Variants in ARHGEF7 observed in about 807,000 individuals in gnomAD.
The protein encoded by ARHGEF7 is Rho guanine nucleotide exchange factor 7, also known as PAK-interacting exchange factor beta.
ARHGEF7 carries 33 observed loss-of-function variants against 109.8 expected under a neutral mutation model. The observed-to-expected ratio is 0.30, with a 90% CI of 0.23 to 0.40. The LOEUF (loss-of-function observed/expected upper bound fraction) is 0.40, where lower values mean the gene tolerates loss of function less well. ARHGEF7 is among the 10% of genes least tolerant of loss of function. The pLI, the probability that ARHGEF7 is intolerant of heterozygous loss-of-function variation, is 1.00. For synonymous variants in ARHGEF7, 458 were observed against 424.6 expected (o/e 1.08, Z -0.97); for missense variants, 938 against 1,098.5 (o/e 0.85, Z 2.07).
intron 1 of ARHGEF7, among the ~76,000 whole-genome samples, chr13:111,143,133 A>G (rs1230047657): frequency 6.6e-6 from 1 of 152,226 alleles, no homozygotes; most frequent in Non-Finnish European, 1.5e-5. Flanking sequence ...ACAGCGGAGT[A>G]GCACTCGGGA....
chr13:111,180,769 T>C (rs1777541498), intron 2 of ARHGEF7, among the ~76,000 whole-genome samples: 1 of 152,254 alleles, frequency 6.6e-6, no homozygotes, highest in African/African-American at 2.4e-5. Flanking sequence ...TGGAAGATTA[T>C]AGACACCTGG....
chr13:111,262,283 C>T (rs1162136467), intron 8 of ARHGEF7, among the ~76,000 whole-genome samples: 1 of 152,198 alleles, frequency 6.6e-6, no homozygotes, highest in African/African-American at 2.4e-5. Flanking sequence ...GAAATTCAGA[C>T]TCACTAGAGG....
intron 1 of ARHGEF7, 108 bp from the exon 2 acceptor site, chr13:111,153,797 C>G: frequency 7.1e-7 from 1 of 1,402,444 alleles, no homozygotes; most frequent in Non-Finnish European, 9.2e-7. Flanking sequence ...GGCCGCTCGC[C>G]AGCGTCGCCC....
At chr13:111,229,709 GAAA>G (rs1221769816) in intron 5 of ARHGEF7, among the ~76,000 whole-genome samples, 2 of 152,176 alleles carry the variant, frequency 1.3e-5, no homozygotes, top group African/African-American at 4.8e-5. Flanking sequence ...CTGGGTTGTA[GAAA>G]TATTTCTACA....
chr13:111,245,202 T>C (rs2088590321), intron 8 of ARHGEF7, among the ~76,000 whole-genome samples: 1 of 152,136 alleles, frequency 6.6e-6, no homozygotes, highest in Non-Finnish European at 1.5e-5. Flanking sequence ...AATGGTTTTG[T>C]GGAGATTCAG....
chr13:111,188,000 G>C (rs1014403945), intron 2 of ARHGEF7, among the ~76,000 whole-genome samples: 2 of 152,240 alleles, frequency 1.3e-5, no homozygotes, highest in African/African-American at 4.8e-5. Context: ...CTTGAGTACA[G>C]GTGGGGCTGA....
intron 2 of ARHGEF7, among the ~76,000 whole-genome samples, chr13:111,199,324 A>G (rs1291865140): frequency 1.3e-5 from 2 of 152,226 alleles, no homozygotes; most frequent in Non-Finnish European, 2.9e-5. Flanking sequence ...GTTTGGGTCA[A>G]TATCAGCTCT....
At position 111,151,840 on chromosome 13, in the gene ARHGEF7, A is replaced by G. The variant is rs2075901654; in HGVS notation, c.166-2065A>G. ...TAGAAATTTGAAAAATGTGACACTA[A>G]GTAGAGTGAGAAGAGGACATATGTT... On this transcript the variant is annotated intron_variant, in intron 1 of 21. Coordinates refer to ENST00000646102, the MANE Select transcript of ARHGEF7 (RefSeq NM_001354046.2). Among the ~76,000 whole-genome samples, 3 of 152,292 alleles carry G rather than the reference A, an allele frequency of 2.0e-5. No homozygotes were observed. The South Asian group carries it at 6.2e-4, about 32-fold the overall frequency.
In ARHGEF7 at chr13:111,239,631, C is replaced by G. The variant is rs571935866; in HGVS notation, c.760-4241C>G. Among the ~76,000 whole-genome samples the G allele has an allele frequency of 6.6e-6, 1 of 151,936 alleles. No homozygotes were observed. The highest frequency in any genetic ancestry group is 1.5e-5 in the Non-Finnish European group (1 of 68,004). On this transcript the variant is annotated intron_variant, in intron 6 of 21. Coordinates refer to ENST00000646102, the MANE Select transcript of ARHGEF7 (RefSeq NM_001354046.2). The surrounding 1 kb of genome is among the most constrained non-coding windows in gnomAD (Gnocchi z 4.3). ...ACTCCTGAAGTCTCTGCTTGGGGCC[C>G]GTAGGTGGAGATGGTTAATGATGAG...
At chr13:111,155,034 G>A (rs147165609) in intron 2 of ARHGEF7, among the ~76,000 whole-genome samples, 1 of 152,082 alleles carries the variant, frequency 6.6e-6, no homozygotes, top group South Asian at 2.1e-4. Flanking sequence ...AAACAACACA[G>A]TATAATGATT....
chr13:111,288,416 G>A lies in ARHGEF7; in HGVS notation c.2107G>A (p.Ala703Thr), dbSNP rs868583204. Reference sequence around the variant, plus strand: ...AGTCATTGAAGCTTACTGCACCAGCGCCAAAACAAGGCAAACACTCAATTC... The same window carrying A: ...AGTCATTGAAGCTTACTGCACCAGCACCAAAACAAGGCAAACACTCAATTC... Reference protein sequence around the residue: ...LKVIEAYCTSAKTRQTLNSTW... With the variant: ...LKVIEAYCTSTKTRQTLNSTW... Residue 703 changes from alanine (A) to threonine (T), a missense_variant, in exon 18 of 22, where the codon GCC (alanine) becomes ACC (threonine). Around this residue, in one of 4 missense-constraint regions of ARHGEF7, gnomAD observed 22 missense variants for 81.9 expected, o/e 0.27. Coordinates refer to ENST00000646102, the MANE Select transcript of ARHGEF7 (RefSeq NM_001354046.2). 5.6e-6 allele frequency: 9 copies of A among 1,613,430 alleles called. No homozygotes were observed. The highest frequency in any genetic ancestry group is 2.2e-5 in the South Asian group (2 of 90,996).
intron 1 of ARHGEF7, among the ~76,000 whole-genome samples, chr13:111,140,322 ATG>A (rs2075290450): frequency 2.0e-5 from 3 of 152,214 alleles, no homozygotes; most frequent in Admixed American, 2.0e-4. Flanking sequence ...TACCAGTGAT[ATG>A]TGTCATGGAG....
Position 111,239,072 on chromosome 13 carries a change from T to C in ARHGEF7, c.760-4800T>C, listed in dbSNP as rs530792562. Among the ~76,000 whole-genome samples the C allele has an allele frequency of 3.3e-5, 5 of 152,110 alleles. No individual in the cohort carries two copies. The East Asian group carries it at 9.7e-4, about 30-fold the overall frequency. ...GCCAGATGCTTATAAAACCATCAGATCTTGTGAGAACTCACCATGAGAACA... is the reference window on the plus strand; with the variant it reads ...GCCAGATGCTTATAAAACCATCAGACCTTGTGAGAACTCACCATGAGAACA... On this transcript the variant is annotated intron_variant, in intron 6 of 21. Coordinates refer to ENST00000646102, the MANE Select transcript of ARHGEF7 (RefSeq NM_001354046.2). The surrounding 1 kb of genome is among the most constrained non-coding windows in gnomAD (Gnocchi z 4.3).
intron 13 of ARHGEF7, 30 bp downstream of exon 13, chr13:111,277,703 T>C: frequency 6.9e-7 from 1 of 1,440,372 alleles, no homozygotes; most frequent in Non-Finnish European, 9.7e-7. Context: ...TATATTTTAT[T>C]GTGGATCTGA....
intron 18 of ARHGEF7, among the ~76,000 whole-genome samples, chr13:111,291,803 G>T (rs1239872530): frequency 6.6e-6 from 1 of 152,156 alleles, no homozygotes. Context: ...GGTGTGATTT[G>T]TAAAAGATTT....
chr13:111,116,702 C>G (rs1048182860), intron 1 of ARHGEF7: 2 of 151,860 alleles, frequency 1.3e-5, no homozygotes, highest in Admixed American at 1.3e-4. Context: ...GGCCCCCATA[C>G]AGGATGACAA....
rs1015004463 is a variant in ARHGEF7, at chr13:111,210,132, C to T, written c.468+130C>T. 29 of 1,197,566 alleles carry T rather than the reference C, an allele frequency of 2.4e-5. No individual in the cohort carries two copies. The African/African-American group carries it at 2.7e-4, about 11-fold the overall frequency. The allele number at this position is 1,197,566 out of a possible 1,614,324, so 74.2% of individuals were successfully genotyped here. On this transcript the variant is annotated intron_variant, in intron 4 of 21. Coordinates refer to ENST00000646102, the MANE Select transcript of ARHGEF7 (RefSeq NM_001354046.2). The stretch of plus-strand genomic sequence containing the variant: ...GGCAAAGGTAGCTGGACTTCGCCTC[C>T]GTTGTGCCTGTAATCTGGTTTGGCA...
Position 111,223,520 on chromosome 13 carries a change from AT to A in ARHGEF7, c.670+5641del, listed in dbSNP as rs373586611. Among the ~76,000 whole-genome samples the A allele has an allele frequency of 2.6e-4, 39 of 152,348 alleles. 1 individual carries two copies. The East Asian group carries it at 6.4e-3, about 25-fold the overall frequency. On this transcript the variant is annotated intron_variant, in intron 5 of 21. Transcript: ENST00000646102. ...GTTTATCTCCAGATAAATTGACCAG[AT>A]GGTCCAATTCACCTCTCCTGCTTCC...
At chr13:111,169,833 G>A (rs1008252729) in intron 2 of ARHGEF7, among the ~76,000 whole-genome samples, 1 of 152,182 alleles carries the variant, frequency 6.6e-6, no homozygotes, top group Admixed American at 6.5e-5. Context: ...GGGAGGAGGG[G>A]CCCTGCTCTT....
Sources: allele counts gnomAD v4.1 joint callset (sites outside exome capture counted in the v4.1 genomes callset), GRCh38; gene constraint gnomAD v4.1.1; regional missense constraint gnomAD v4.1.1; non-coding constraint Gnocchi (gnomAD v3.1); transcripts MANE v1.5; gene names NCBI Gene and HGNC (gene_info 2026-07-23, HGNC 2026-07-21).